The following LRRC37B variants were observed in gnomAD, a reference collection of about 807,000 sequenced individuals.
LRRC37B encodes leucine-rich repeat-containing protein 37B.
In LRRC37B, 28 loss-of-function variants were observed where a neutral mutation model predicts 98.3. That is an observed-to-expected ratio of 0.28 (90% CI 0.21 to 0.39). LRRC37B has a LOEUF of 0.39. LRRC37B is among the 10% of genes least tolerant of loss of function. The pLI, the probability that LRRC37B is intolerant of heterozygous loss-of-function variation, is 1.00. For missense variants in LRRC37B, 938 were observed against 1,182.7 expected (o/e 0.79, Z 3.03); for synonymous variants, 364 against 442.7 (o/e 0.82, Z 2.23).
chr17:32,014,117 A>G (rs980318837), intron 1 of LRRC37B, among the ~76,000 whole-genome samples: 2 of 152,326 alleles, frequency 1.3e-5, no homozygotes, highest in South Asian at 2.1e-4. Flanking sequence ...ATGTATTTCA[A>G]CTGCCTATGT....
intron 2 of LRRC37B, among the ~76,000 whole-genome samples, chr17:32,025,334 C>T (rs983016790): frequency 1.3e-5 from 2 of 151,918 alleles, no homozygotes; most frequent in Non-Finnish European, 2.9e-5. Context: ...CCACCCCCAG[C>T]CCATGATTCT....
chr17:32,010,598 A>G (rs1239077209), intron 1 of LRRC37B, among the ~76,000 whole-genome samples: 4 of 152,234 alleles, frequency 2.6e-5, no homozygotes, highest in African/African-American at 9.6e-5. Flanking sequence ...AATCAGGTTA[A>G]TTAGGGTATC....
At chr17:32,030,172 A>G (rs544496370) in intron 3 of LRRC37B, among the ~76,000 whole-genome samples, 256 of 152,212 alleles carry the variant, frequency 1.7e-3, no homozygotes, top group African/African-American at 5.6e-3. Context: ...ATATGATTTG[A>G]ATATTAGTTC....
intron 1 of LRRC37B, among the ~76,000 whole-genome samples, chr17:32,012,831 A>C (rs1187972145): frequency 6.6e-6 from 1 of 152,200 alleles, no homozygotes; most frequent in Non-Finnish European, 1.5e-5. Flanking sequence ...AACCTGGCTA[A>C]GATGGTGAAA....
In LRRC37B at chr17:32,033,378, G is replaced by A. The variant is rs144974525; in HGVS notation, c.2058-1532G>A. On this transcript the variant is annotated intron_variant, in intron 5 of 11. Transcript: ENST00000327564. ...GGAAGGGAAAGAAGGAGGGAGGGAG[G>A]GAAATGAGGAAAGAAAGAGAAAGAA... Among the ~76,000 whole-genome samples, 565 of 150,302 alleles carry A rather than the reference G, an allele frequency of 3.8e-3. 3 individuals are homozygous for A. The highest frequency in any genetic ancestry group is 5.8e-3 in the Non-Finnish European group (394 of 67,556).
At chr17:32,050,398 T>C in intron 11 of LRRC37B, 1 of 283,402 alleles carries the variant, frequency 3.5e-6, no homozygotes, top group South Asian at 3.7e-5. Flanking sequence ...ATGTCAACAA[T>C]TGGATGTACT....
intron 1 of LRRC37B, among the ~76,000 whole-genome samples, chr17:32,011,768 A>T (rs530858298): frequency 5.3e-5 from 8 of 152,232 alleles, no homozygotes; most frequent in Admixed American, 3.3e-4. Context: ...AAGTGCTGGG[A>T]TTACAGGCAT....
At chr17:32,042,535 G>A (rs1189335317) in intron 7 of LRRC37B, 1 of 154,246 alleles carries the variant, frequency 6.5e-6, no homozygotes, top group Non-Finnish European at 1.4e-5. Flanking sequence ...GGCAGCCCCG[G>A]GGTCCCCAGA....
At chr17:32,041,481 T>C (rs1317001015) in intron 7 of LRRC37B, 1 of 646,802 alleles carries the variant, frequency 1.5e-6, no homozygotes, top group Non-Finnish European at 2.9e-6. Context: ...CCAGTTGGGC[T>C]TCTTCCTGCT....
intron 5 of LRRC37B, 32 bp from the exon 9 acceptor site, chr17:32,034,878 G>A (rs760741777): frequency 1.3e-6 from 2 of 1,527,618 alleles, no homozygotes; most frequent in African/African-American, 2.7e-5. Context: ...CATTGAAAAT[G>A]CAGGTAATTT....
At chr17:32,040,110 A>G (rs1911381782) in intron 7 of LRRC37B, 3 of 153,942 alleles carry the variant, frequency 1.9e-5, no homozygotes, top group Admixed American at 1.9e-4. Context: ...GAGTTTACAC[A>G]TTTATCTACA....
At chr17:32,037,862 C>G (rs1911294291) in intron 7 of LRRC37B, among the ~76,000 whole-genome samples, 2 of 152,026 alleles carry the variant, frequency 1.3e-5, no homozygotes, top group Admixed American at 6.5e-5. Flanking sequence ...AATCCCAGTA[C>G]TTTGGGAGGC....
chr17:32,022,558 G>C, exon 1 of LRRC37B: 1 of 1,613,914 alleles, frequency 6.2e-7, no homozygotes, highest in Non-Finnish European at 8.5e-7. Context: ...GAGAAGACTA[G>C]AGCTCCTCAT....
upstream of LRRC37B, among the ~76,000 whole-genome samples, chr17:32,020,412 T>C (rs1378096295): frequency 6.6e-6 from 1 of 152,068 alleles, no homozygotes; most frequent in African/African-American, 2.4e-5. Flanking sequence ...TCGAGGGTAA[T>C]GGCTGTGTTG....
intron 7 of LRRC37B, among the ~76,000 whole-genome samples, chr17:32,036,976 A>AAT (rs1911260922): frequency 1.9e-5 from 1 of 51,666 alleles, no homozygotes; most frequent in Admixed American, 2.6e-4. Context: ...CATCTTCAGC[A>AAT]TTTTTTTTTT....
At chr17:32,012,688 C>T (rs561857832) in intron 1 of LRRC37B, among the ~76,000 whole-genome samples, 1 of 150,902 alleles carries the variant, frequency 6.6e-6, no homozygotes, top group South Asian at 2.1e-4. Context: ...TGCATCCCAG[C>T]CTGGGAAGCA....
At chr17:32,016,897 G>GT (rs1160169951), upstream of LRRC37B, 1 of 152,150 alleles carries the variant, frequency 6.6e-6, no homozygotes, top group African/African-American at 2.4e-5. Context: ...TAGCAAGGTT[G>GT]TTTCTTGTTT....
upstream of LRRC37B, among the ~76,000 whole-genome samples, chr17:32,020,181 C>T (rs1354016072): frequency 6.6e-6 from 1 of 152,154 alleles, no homozygotes; most frequent in Non-Finnish European, 1.5e-5. Context: ...GCACCCCGTG[C>T]CTGTGCTAGG....
exon 1 of LRRC37B, chr17:32,021,538 T>C: frequency 6.2e-7 from 1 of 1,613,978 alleles, no homozygotes; most frequent in Non-Finnish European, 8.5e-7. Flanking sequence ...GAAGAAAGGC[T>C]CCCAGAGGTG....
Sources: gnomAD v4.1 joint callset for allele counts (sites outside exome capture counted in the v4.1 genomes callset) on GRCh38, gnomAD v4.1.1 for gene constraint, MANE v1.5 for transcripts, NCBI Gene and HGNC (gene_info 2026-07-23, HGNC 2026-07-21) for gene names.